YPEL2: variants seen among roughly 807,000 people sequenced by gnomAD.
The protein encoded by YPEL2 is yippee like 2.
A neutral mutation model predicts 19.1 loss-of-function variants in YPEL2; 2 were observed. The observed-to-expected ratio is 0.10, with a 90% confidence interval of 0.04 to 0.33. YPEL2 has a LOEUF of 0.33. Among genes scored for constraint, YPEL2 ranks in the 10% least tolerant of loss-of-function variants. YPEL2 has a pLI of 1.00. For synonymous variants in YPEL2, 52 were observed against 50.0 expected (o/e 1.04, Z -0.17); for missense variants, 66 against 140.7 (o/e 0.47, Z 2.68).
intron 2 of YPEL2, 55 bp from the exon 3 acceptor site, chr17:59,388,272 C>A: frequency 6.3e-7 from 1 of 1,599,292 alleles, no homozygotes; most frequent in East Asian, 2.2e-5. Context: ...GTTGGTTTCC[C>A]AAACAGATAG....
chr17:59,371,680 G>A (rs930294699), intron 2 of YPEL2, among the ~76,000 whole-genome samples: 1 of 152,210 alleles, frequency 6.6e-6, no homozygotes, highest in Admixed American at 6.5e-5. Context: ...GAAGGAGCCA[G>A]TGGACAGAAT....
At chr17:59,356,841 C>G (rs779618055) in intron 2 of YPEL2, among the ~76,000 whole-genome samples, 2 of 152,320 alleles carry the variant, frequency 1.3e-5, no homozygotes, top group East Asian at 3.9e-4. Context: ...GGGTCTCTCT[C>G]TGTCCTCTTT....
chr17:59,370,748 C>CACAGAGGAAGGT (rs59948891), intron 2 of YPEL2, among the ~76,000 whole-genome samples: 1 of 151,534 alleles, frequency 6.6e-6, no homozygotes, highest in East Asian at 2.0e-4. Context: ...AGCCATGGCA[C>CACAGAGGAAGGT]ACAGAGGAGG....
chr17:59,353,343 G>T lies in YPEL2; in HGVS notation c.-67G>T, dbSNP rs773424783. 3 of 1,209,646 alleles carry T rather than the reference G, an allele frequency of 2.5e-6. No individual in the cohort carries two copies. The highest frequency in any genetic ancestry group is 3.5e-6 in the Non-Finnish European group (3 of 850,820). 74.9% of individuals were successfully genotyped at this position (1,209,646 alleles called of 1,614,324 possible). A position where few individuals can be genotyped will look rare whatever the true frequency, so the allele number is the denominator to read the frequency against. On this transcript the variant is annotated 5_prime_UTR_variant, in exon 2 of 5. Transcript: ENST00000312655. The surrounding 1 kb of genome is among the most constrained non-coding windows in gnomAD (Gnocchi z 4.8). ...TTACCTGTGTCTTCCGGTGTTTCCC[G>T]TGCGACCCATCCTGTGGGAGTGCCT...
chr17:59,342,603 A>G (rs2047737185), intron 1 of YPEL2, among the ~76,000 whole-genome samples: 1 of 152,192 alleles, frequency 6.6e-6, no homozygotes, highest in South Asian at 2.1e-4. Flanking sequence ...AGATCATGGG[A>G]AAAATCTATT....
intron 2 of YPEL2, among the ~76,000 whole-genome samples, chr17:59,360,434 A>G (rs2147943325): frequency 6.6e-6 from 1 of 152,324 alleles, no homozygotes; most frequent in Middle Eastern, 3.4e-3. Context: ...GAAGTGACAA[A>G]TTAGGGAAGA....
intron 1 of YPEL2, among the ~76,000 whole-genome samples, chr17:59,343,915 G>A (rs1178715461): frequency 2.0e-5 from 3 of 152,182 alleles, no homozygotes; most frequent in Non-Finnish European, 4.4e-5. Flanking sequence ...AGAAGATGGG[G>A]TTCACAGTGC....
At chr17:59,342,384 G>A (rs2047736083) in intron 1 of YPEL2, among the ~76,000 whole-genome samples, 1 of 152,228 alleles carries the variant, frequency 6.6e-6, no homozygotes. Flanking sequence ...TATATGTGTG[G>A]CATAGGGGAG....
chr17:59,379,952 C>G (rs1014726679), intron 2 of YPEL2, among the ~76,000 whole-genome samples: 3 of 151,538 alleles, frequency 2.0e-5, no homozygotes, highest in African/African-American at 7.3e-5. Flanking sequence ...CCTCTACCTC[C>G]CGGGTTCACG....
chr17:59,386,383 A>G (rs1455979644), intron 2 of YPEL2, among the ~76,000 whole-genome samples: 2 of 152,214 alleles, frequency 1.3e-5, no homozygotes, highest in Admixed American at 6.5e-5. Context: ...AAGAGTCTAG[A>G]ACATGAGTAT....
chr17:59,381,208 G>C (rs1173094277), intron 2 of YPEL2, among the ~76,000 whole-genome samples: 7 of 152,216 alleles, frequency 4.6e-5, no homozygotes, highest in Non-Finnish European at 8.8e-5. Context: ...ACTTGAACCT[G>C]AATCTTCTGA....
chr17:59,336,640 G>A (rs567655931), intron 1 of YPEL2, among the ~76,000 whole-genome samples: 9 of 152,326 alleles, frequency 5.9e-5, no homozygotes, highest in Admixed American at 5.9e-4. Flanking sequence ...CAGGTACAGA[G>A]CCTGGCACCT....
chr17:59,351,104 G>A (rs984628828), intron 1 of YPEL2, among the ~76,000 whole-genome samples: 6 of 152,166 alleles, frequency 3.9e-5, no homozygotes, highest in Non-Finnish European at 8.8e-5. Context: ...GCCAGGTGCG[G>A]TGGTTCACAC....
intron 1 of YPEL2, among the ~76,000 whole-genome samples, chr17:59,349,495 C>T (rs187115953): frequency 2.2e-4 from 34 of 151,648 alleles, no homozygotes; most frequent in African/African-American, 7.0e-4. Flanking sequence ...TACGGGCGTG[C>T]GCTACCATGC....
chr17:59,332,416 T>C (rs1438526444), intron 1 of YPEL2, among the ~76,000 whole-genome samples: 2 of 152,132 alleles, frequency 1.3e-5, no homozygotes, highest in Non-Finnish European at 2.9e-5. Flanking sequence ...TGGCCGCGTC[T>C]CGGCGCCTCC....
rs779502581 is a variant in YPEL2 at position 59,353,441 on chromosome 17, A to T, written c.32A>T (p.Gln11Leu). 6.2e-7 allele frequency: 1 copy of T among 1,607,464 alleles called. No homozygotes were observed. The highest frequency in any genetic ancestry group is 2.2e-5 in the East Asian group (1 of 44,852). Residue 11 changes from glutamine to leucine, a missense_variant, in exon 2 of 5, where the codon CAG (glutamine) becomes CTG (leucine). Physicochemically the swap from Gln to Leu is moderately radical, Grantham distance 113 (BLOSUM62 -2). Coordinates refer to ENST00000312655, the MANE Select transcript of YPEL2 (RefSeq NM_001005404.4). The surrounding 1 kb of genome is among the most constrained non-coding windows in gnomAD (Gnocchi z 4.8). MVKMTRSKTFQAYLPSCHRTY... is the reference protein window; with the variant it reads MVKMTRSKTFLAYLPSCHRTY... ...AAGATGACAAGATCGAAGACTTTCCAGGCATATCTGCCCTCCTGCCACCGG... is the reference window on the plus strand; with the variant it reads ...AAGATGACAAGATCGAAGACTTTCCTGGCATATCTGCCCTCCTGCCACCGG...
intron 2 of YPEL2, among the ~76,000 whole-genome samples, chr17:59,380,403 G>T (rs916031128): frequency 1.3e-5 from 2 of 150,008 alleles, no homozygotes; most frequent in African/African-American, 4.9e-5. Context: ...CCAAGTAGCT[G>T]GGATTACAGG....
intron 2 of YPEL2, among the ~76,000 whole-genome samples, chr17:59,365,598 G>A (rs2047864686): frequency 6.6e-6 from 1 of 152,168 alleles, no homozygotes; most frequent in South Asian, 2.1e-4. Context: ...TCTTTTGAAA[G>A]AAACCACTTT....
intron 2 of YPEL2, among the ~76,000 whole-genome samples, chr17:59,370,730 G>T (rs1486384293): frequency 7.6e-6 from 1 of 132,234 alleles, no homozygotes; most frequent in Non-Finnish European, 1.6e-5. Context: ...GGGTTTGCTG[G>T]CCCATCGAGC....
Sources: gnomAD v4.1 joint callset for allele counts (sites outside exome capture counted in the v4.1 genomes callset) on GRCh38, gnomAD v4.1.1 for gene constraint, Gnocchi (gnomAD v3.1) non-coding constraint, MANE v1.5 for transcripts, NCBI Gene and HGNC (gene_info 2026-07-23, HGNC 2026-07-21) for gene names.